Variants in TRIT1 observed in about 807,000 individuals in gnomAD.
The protein encoded by TRIT1 is tRNA dimethylallyltransferase.
TRIT1 carries 43 observed loss-of-function variants against 51.2 expected under a neutral mutation model. The observed-to-expected ratio is 0.84, with a 90% CI of 0.66 to 1.08. TRIT1 has a LOEUF of 1.08. Ranked by LOEUF, TRIT1 falls within the 50% of genes least tolerant of loss-of-function variation. TRIT1 has a pLI of 0.00. For synonymous variants in TRIT1, 184 were observed against 203.9 expected, an observed-to-expected ratio of 0.90 and a Z score of 0.83; for missense variants, 528 against 578.4, an observed-to-expected ratio of 0.91 and a Z score of 0.89.
In TRIT1 at chr1:39,838,787, C is replaced by G. The variant is rs748306054; in HGVS notation, c.*2957G>C. On this transcript the variant is annotated 3_prime_UTR_variant, in exon 11 of 11. Transcript: ENST00000316891. ...AAGCGTTGGGATTACAGGCGTGAGC[C>G]ACCACTCCCGGACTGTTATTTTTTA... 1.3e-5 allele frequency among the ~76,000 whole-genome samples: 2 copies of G among 152,154 alleles called. No homozygotes were observed. Among genetic ancestry groups the G allele is most frequent in the Admixed American group, 6.5e-5 (1 of 15,278 alleles).
intron 1 of TRIT1, among the ~76,000 whole-genome samples, chr1:39,857,787 A>G (rs1026394881): frequency 2.6e-5 from 4 of 152,216 alleles, no homozygotes; most frequent in East Asian, 1.9e-4. Flanking sequence ...ATTTGCATTC[A>G]TTGCTCATAG....
chr1:39,866,329 C>T (rs375446438), intron 1 of TRIT1, among the ~76,000 whole-genome samples: 3 of 152,114 alleles, frequency 2.0e-5, no homozygotes, highest in East Asian at 1.9e-4. Flanking sequence ...CCTGTCACCA[C>T]GCCCAGCTAA....
chr1:39,882,639 C>T (rs1644300016), intron 1 of TRIT1, among the ~76,000 whole-genome samples: 1 of 152,220 alleles, frequency 6.6e-6, no homozygotes, highest in Admixed American at 6.5e-5. Context: ...AAGCATTTAC[C>T]ACAAGTCTGG....
chr1:39,844,972 G>C (rs1007529268), intron 8 of TRIT1, among the ~76,000 whole-genome samples: 1 of 152,188 alleles, frequency 6.6e-6, no homozygotes, highest in African/African-American at 2.4e-5. Flanking sequence ...TAAACTAACA[G>C]CTTTAAGTAA....
At chr1:39,873,680 A>G (rs2124676020) in intron 1 of TRIT1, among the ~76,000 whole-genome samples, 1 of 152,274 alleles carries the variant, frequency 6.6e-6, no homozygotes, top group East Asian at 1.9e-4. Flanking sequence ...AGGTAGATGA[A>G]GGGTATACAG....
chr1:39,865,687 A>AAAAG (rs1557566349), intron 1 of TRIT1, among the ~76,000 whole-genome samples: 1 of 146,964 alleles, frequency 6.8e-6, no homozygotes, highest in Non-Finnish European at 1.5e-5. Context: ...AAAAAAAAAA[A>AAAAG]AAAGAAAAGA....
rs142788157 is a variant in TRIT1 at position 39,871,528 on chromosome 1, C to T, written c.174+11790G>A. On this transcript the variant is annotated intron_variant, in intron 1 of 10. Transcript: ENST00000316891. The stretch of plus-strand genomic sequence containing the variant: ...CCAGGAAGTTGAGGCTGCAGTGAGC[C>T]GAGATGGCGCCACTGCACCCCACCC... 2.5e-3 allele frequency among the ~76,000 whole-genome samples: 387 copies of T among 152,182 alleles called. 1 individual carries two copies. Among genetic ancestry groups the T allele is most frequent in the Non-Finnish European group, 4.4e-3 (300 of 67,998 alleles).
At chr1:39,850,891 C>T (rs1642522528) in intron 4 of TRIT1, among the ~76,000 whole-genome samples, 1 of 152,172 alleles carries the variant, frequency 6.6e-6, no homozygotes, top group Non-Finnish European at 1.5e-5. Flanking sequence ...ATGCTCCTGG[C>T]TAATCCAGTG....
chr1:39,847,317 T>C lies in TRIT1; in HGVS notation c.929-20A>G, dbSNP rs375734567. 4.3e-5 allele frequency: 70 copies of C among 1,610,190 alleles called. No individual in the cohort carries two copies. The African/African-American group carries it at 9.2e-4, about 21-fold the overall frequency. ...CAATACCTGAAAGATACAGTAGATT[T>C]AAGAACATCTAGGTAAGCACTCCTT... On this transcript the variant is annotated intron_variant, in intron 7 of 10. Transcript: ENST00000316891.
chr1:39,880,268 TAA>T (rs1553148795), intron 1 of TRIT1, among the ~76,000 whole-genome samples: 19,381 of 94,910 alleles, frequency 0.2, 922 homozygotes, highest in African/African-American at 0.27. Flanking sequence ...AGACCTCAAA[TAA>T]AAAAAAAAAA....
rs1652504599 is a variant in TRIT1, at chr1:39,840,262, T to C, written c.*1482A>G. On this transcript the variant is annotated 3_prime_UTR_variant, in exon 11 of 11. Transcript: ENST00000316891. ...CCAGAGAATAAATTTATTTTTGAGA[T>C]TCAAATCAGTTAAAAGTGGGTGAGG... 6.6e-6 allele frequency among the ~76,000 whole-genome samples: 1 copy of C among 152,140 alleles called. No individual in the cohort carries two copies. The highest frequency in any genetic ancestry group is 1.5e-5 in the Non-Finnish European group (1 of 68,024).
At chr1:39,850,970 T>A (rs1405513708) in intron 4 of TRIT1, among the ~76,000 whole-genome samples, 1 of 152,182 alleles carries the variant, frequency 6.6e-6, no homozygotes, top group Non-Finnish European at 1.5e-5. Flanking sequence ...TCCACTTCTG[T>A]CCGTATCTAT....
chr1:39,844,790 A>C, intron 8 of TRIT1, 150 bp from the exon 9 acceptor site: 1 of 606,140 alleles, frequency 1.6e-6, no homozygotes, highest in Non-Finnish European at 3.0e-6. Flanking sequence ...ATGAACCACA[A>C]TCCAAGAAAG....
In TRIT1 at chr1:39,866,093, AAAGGAAGG is replaced by A. The variant is rs150669999; in HGVS notation, c.175-8684_175-8677del. On this transcript the variant is annotated intron_variant, in intron 1 of 10. Coordinates refer to ENST00000316891, the MANE Select transcript of TRIT1 (RefSeq NM_017646.6). ...AGAGGGAGGGAGGGAAGGAAAGAAG[AAAGGAAGG>A]AAGGAAGGAAGGAAGGAAGGAAGGA... 9.7e-3 allele frequency among the ~76,000 whole-genome samples: 1,427 copies of A among 147,510 alleles called. 10 individuals are homozygous for A. Among genetic ancestry groups the A allele is most frequent in the South Asian group, 0.02 (94 of 4,620 alleles).
chr1:39,846,398 T>C (rs1028162841), intron 8 of TRIT1, among the ~76,000 whole-genome samples: 1 of 152,206 alleles, frequency 6.6e-6, no homozygotes, highest in East Asian at 1.9e-4. Flanking sequence ...AAGATAAAAC[T>C]GAAGTTTCAC....
intron 10 of TRIT1, among the ~76,000 whole-genome samples, chr1:39,842,609 A>G (rs1304162286): frequency 6.6e-6 from 1 of 152,198 alleles, no homozygotes; most frequent in African/African-American, 2.4e-5. Flanking sequence ...CCTGCTATCA[A>G]CTGCTGACCT....
intron 1 of TRIT1, among the ~76,000 whole-genome samples, chr1:39,870,483 G>C (rs1462790758): frequency 7.6e-6 from 1 of 131,784 alleles, no homozygotes; most frequent in Non-Finnish European, 1.5e-5. Flanking sequence ...CCCCCTCTGC[G>C]AGCAACACCC....
At chr1:39,866,544 T>C (rs1325040553) in intron 1 of TRIT1, among the ~76,000 whole-genome samples, 1 of 152,192 alleles carries the variant, frequency 6.6e-6, no homozygotes, top group Non-Finnish European at 1.5e-5. Flanking sequence ...AAAGAAAACT[T>C]TTTTTAAACA....
At chr1:39,857,128 C>T in intron 2 of TRIT1, 149 bp downstream of exon 2, 2 of 833,946 alleles carry the variant, frequency 2.4e-6, no homozygotes, top group Non-Finnish European at 3.6e-6. Context: ...CTGTATCTTT[C>T]AGTCCATAGT....
Sources: allele counts gnomAD v4.1 joint callset (sites outside exome capture counted in the v4.1 genomes callset), GRCh38; gene constraint gnomAD v4.1.1; transcripts MANE v1.5; gene names NCBI Gene and HGNC (gene_info 2026-07-23, HGNC 2026-07-21).